Variants in ROBO2 observed in about 807,000 individuals in gnomAD.
The protein encoded by ROBO2 is roundabout homolog 2.
ROBO2 carries 53 observed loss-of-function variants against 160.8 expected under a neutral mutation model. That is an observed-to-expected ratio of 0.33 (90% CI 0.26 to 0.41). ROBO2 has a LOEUF of 0.41. ROBO2 is among the 10% of genes least tolerant of loss of function. The pLI, the probability that ROBO2 is intolerant of heterozygous loss-of-function variation, is 1.00. For synonymous variants in ROBO2, 664 were observed against 611.7 expected, an observed-to-expected ratio of 1.09 and a Z score of -1.26; for missense variants, 1,577 against 1,722.4, an observed-to-expected ratio of 0.92 and a Z score of 1.49.
chr3:76,172,517 C>G (rs1237310412), intron 2 of ROBO2, among the ~76,000 whole-genome samples: 1 of 151,354 alleles, frequency 6.6e-6, no homozygotes, highest in Non-Finnish European at 1.5e-5. Context: ...AGAGGATTAG[C>G]TGCTTGAACA....
chr3:76,396,449 CAT>C (rs1328820432), intron 2 of ROBO2, among the ~76,000 whole-genome samples: 1 of 152,092 alleles, frequency 6.6e-6, no homozygotes, highest in African/African-American at 2.4e-5. Context: ...TCCTATTCAA[CAT>C]AGTGTTGGAA....
chr3:77,013,454 A>T (rs1452831725), intron 2 of ROBO2, among the ~76,000 whole-genome samples: 1 of 152,172 alleles, frequency 6.6e-6, no homozygotes, highest in African/African-American at 2.4e-5. Context: ...TAAAACTCAT[A>T]TATTAAATTT....
At chr3:76,624,847 A>G (rs2089512175) in intron 2 of ROBO2, among the ~76,000 whole-genome samples, 1 of 142,816 alleles carries the variant, frequency 7.0e-6, no homozygotes, top group Admixed American at 7.1e-5. Context: ...ATATCCTTAT[A>G]GAAAACTGTG....
chr3:76,599,080 T>A (rs1900655), intron 2 of ROBO2, among the ~76,000 whole-genome samples: 70,643 of 151,584 alleles, frequency 0.47, 17,189 homozygotes, highest in Middle Eastern at 0.67. Context: ...TTAAAAAAAA[T>A]TTTGTTTTAG....
chr3:77,512,503 G>A (rs1465221149), intron 5 of ROBO2, among the ~76,000 whole-genome samples: 2 of 151,958 alleles, frequency 1.3e-5, no homozygotes, highest in Non-Finnish European at 2.9e-5. Context: ...CTAGATGGAT[G>A]TATCTCCATG....
chr3:76,035,171 GACT>G (rs1466215422), intron 2 of ROBO2, among the ~76,000 whole-genome samples: 2 of 148,888 alleles, frequency 1.3e-5, no homozygotes, highest in African/African-American at 5.0e-5. Context: ...TCTATGGCTG[GACT>G]ACATGTAAAT....
chr3:76,244,612 GC>G (rs1705504546), intron 2 of ROBO2, among the ~76,000 whole-genome samples: 1 of 152,148 alleles, frequency 6.6e-6, no homozygotes, highest in South Asian at 2.1e-4. Flanking sequence ...TCTTGAAGCT[GC>G]CTAACTTACG....
At chr3:76,361,091 C>T (rs889309357) in intron 2 of ROBO2, among the ~76,000 whole-genome samples, 3 of 151,882 alleles carry the variant, frequency 2.0e-5, no homozygotes, top group Admixed American at 2.0e-4. Context: ...ATGTTGAAAA[C>T]ATTGTATTGT....
intron 2 of ROBO2, among the ~76,000 whole-genome samples, chr3:76,131,402 T>G (rs75684583): frequency 0.011 from 1,675 of 152,202 alleles, 35 homozygotes; most frequent in African/African-American, 0.035. Flanking sequence ...CGACTGTTCC[T>G]TAGGTCAAGT....
At chr3:77,520,714 T>G (rs891101542) in intron 5 of ROBO2, among the ~76,000 whole-genome samples, 2 of 151,272 alleles carry the variant, frequency 1.3e-5, no homozygotes, top group African/African-American at 2.4e-5. Flanking sequence ...TTAGATGAAT[T>G]GGAAATGGCT....
intron 2 of ROBO2, among the ~76,000 whole-genome samples, chr3:76,231,026 C>A (rs1424895654): frequency 6.6e-6 from 1 of 152,110 alleles, no homozygotes; most frequent in Non-Finnish European, 1.5e-5. Flanking sequence ...ACGTGTCCCT[C>A]AGAGCCCGCG....
chr3:76,160,824 A>C (rs28641972), intron 2 of ROBO2, among the ~76,000 whole-genome samples: 7,005 of 152,250 alleles, frequency 0.046, 370 homozygotes, highest in East Asian at 0.22. Flanking sequence ...TAGCAAAAAA[A>C]CCCATGAAAT....
intron 2 of ROBO2, among the ~76,000 whole-genome samples, chr3:76,837,761 A>G (rs1432112720): frequency 6.6e-6 from 1 of 151,914 alleles, no homozygotes; most frequent in Non-Finnish European, 1.5e-5. Context: ...TCATAACCAC[A>G]GTATAGTTAT....
chr3:76,872,555 A>G lies in ROBO2; in HGVS notation c.110-225459A>G, dbSNP rs1055081970. The stretch of plus-strand genomic sequence containing the variant: ...CTTATATTTTCAAATATCTTATTAC[A>G]TTCCAAAAAAGGTATAGAATTGTAG... On this transcript the variant is annotated intron_variant, in intron 2 of 26. Coordinates refer to the ROBO2 transcript ENST00000487694. Among the ~76,000 whole-genome samples, 26 of 152,066 alleles carry G rather than the reference A, an allele frequency of 1.7e-4. 1 individual carries two copies.
intron 2 of ROBO2, among the ~76,000 whole-genome samples, chr3:76,356,696 GGA>G (rs1313177642): frequency 2.6e-5 from 4 of 151,726 alleles, no homozygotes; most frequent in Non-Finnish European, 4.4e-5. Flanking sequence ...CGTCATAATT[GGA>G]GAGTTTCACA....
chr3:76,022,567 C>T (rs1018473686), intron 2 of ROBO2, among the ~76,000 whole-genome samples: 12 of 151,678 alleles, frequency 7.9e-5, no homozygotes, highest in Admixed American at 6.6e-5. Context: ...TCCATCAGAA[C>T]TCTTGGGTGT....
chr3:77,534,827 T>C (rs1381570468), intron 6 of ROBO2, among the ~76,000 whole-genome samples: 1 of 152,204 alleles, frequency 6.6e-6, no homozygotes, highest in East Asian at 1.9e-4. Flanking sequence ...CATTGTTATA[T>C]TTATCTTTCT....
chr3:75,945,408 A>G (rs1948242245), intron 2 of ROBO2, among the ~76,000 whole-genome samples: 1 of 152,156 alleles, frequency 6.6e-6, no homozygotes, highest in African/African-American at 2.4e-5. Flanking sequence ...TTCCAGAAGT[A>G]ACAGAATAGA....
At chr3:76,694,662 T>C (rs994265083) in intron 2 of ROBO2, among the ~76,000 whole-genome samples, 1 of 152,152 alleles carries the variant, frequency 6.6e-6, no homozygotes, top group Non-Finnish European at 1.5e-5. Context: ...AATTTTGAAA[T>C]GTACTTTTAT....
Sources: gnomAD v4.1 joint callset for allele counts (sites outside exome capture counted in the v4.1 genomes callset) on GRCh38, gnomAD v4.1.1 for gene constraint, MANE v1.5 for transcripts, NCBI Gene and HGNC (gene_info 2026-07-23, HGNC 2026-07-21) for gene names.